JARID2: variants seen among roughly 807,000 people sequenced by gnomAD.
The protein encoded by JARID2 is jumonji and AT-rich interaction domain containing 2, also known as protein Jumonji.
In JARID2, 21 loss-of-function variants were observed where a neutral mutation model predicts 125.6. The observed-to-expected ratio is 0.17, with a 90% CI of 0.12 to 0.24. The LOEUF is 0.24. Ranked by LOEUF, JARID2 falls within the 10% of genes least tolerant of loss-of-function variation. The pLI is 1.00. For synonymous variants in JARID2, 736 were observed against 661.6 expected, an observed-to-expected ratio of 1.11 and a Z score of -1.73; for missense variants, 1,303 against 1,639.6, an observed-to-expected ratio of 0.79 and a Z score of 3.55.
At chr6:15,374,409 G>A (rs1402551776) in intron 2 of JARID2, among the ~76,000 whole-genome samples, 157 bp downstream of exon 2, 1 of 152,188 alleles carries the variant, frequency 6.6e-6, no homozygotes, top group East Asian at 1.9e-4. Flanking sequence ...ACATCCTGTT[G>A]GGTTTATAGG....
chr6:15,456,374 A>C lies in JARID2; in HGVS notation c.493+4199A>C, dbSNP rs1768177800. Among the ~76,000 whole-genome samples the C allele has an allele frequency of 2.0e-5, 3 of 152,244 alleles. No individual in the cohort carries two copies. In the South Asian group the frequency reaches 6.2e-4, roughly 31 times the overall value. ...TTCTTTTAGATGTCAAATACAAAAA[A>C]GGCTTAAATAATTAAAGCCTAGGAG... On this transcript the variant is annotated intron_variant, in intron 4 of 17. Coordinates refer to ENST00000341776, the MANE Select transcript of JARID2 (RefSeq NM_004973.4).
chr6:15,356,982 C>T (rs2127489794), intron 1 of JARID2, among the ~76,000 whole-genome samples: 1 of 152,122 alleles, frequency 6.6e-6, no homozygotes, highest in South Asian at 2.1e-4. Flanking sequence ...CCACTGCACT[C>T]CAGCCTGGAC....
intron 2 of JARID2, among the ~76,000 whole-genome samples, chr6:15,379,455 G>A (rs1161912440): frequency 2.6e-5 from 4 of 152,166 alleles, no homozygotes; most frequent in Non-Finnish European, 5.9e-5. Flanking sequence ...TAAAATTAGG[G>A]ACATTTAAAT....
intron 3 of JARID2, among the ~76,000 whole-genome samples, chr6:15,412,839 T>C (rs1221583618): frequency 6.6e-6 from 1 of 152,078 alleles, no homozygotes; most frequent in African/African-American, 2.4e-5. Context: ...CCTTTTCTAA[T>C]AGGGTAATGG....
intron 6 of JARID2, among the ~76,000 whole-genome samples, chr6:15,494,621 T>C (rs1293334186): frequency 6.6e-6 from 1 of 151,938 alleles, no homozygotes; most frequent in Non-Finnish European, 1.5e-5. Flanking sequence ...TGTTAGCCAG[T>C]ATGGTGTCAA....
chr6:15,496,296 C>G lies in JARID2; in HGVS notation c.1071C>G (p.Val357=). Residue 357 remains valine (V), a synonymous_variant, in exon 7 of 18, where the codon GTC becomes GTG. Transcript: ENST00000341776. The part of the protein sequence containing the change: ...VTYTKAKREL[V]KDTKPNHHKP... ...ACACCAAAGCCAAGAGAGAACTGGT[C>G]AAGGACACCAAACCCAATCACCACA... 4.3e-6 allele frequency: 7 copies of G among 1,614,160 alleles called. 1 individual carries two copies. Among genetic ancestry groups the G allele is most frequent in the South Asian group, 3.3e-5 (3 of 91,074 alleles).
At chr6:15,449,765 T>A (rs1767833308) in intron 3 of JARID2, among the ~76,000 whole-genome samples, 1 of 152,048 alleles carries the variant, frequency 6.6e-6, no homozygotes, top group African/African-American at 2.4e-5. Context: ...GTAGTTGGAG[T>A]CACACTTTGT....
intron 6 of JARID2, among the ~76,000 whole-genome samples, chr6:15,489,839 G>A (rs1295116019): frequency 6.6e-6 from 1 of 152,204 alleles, no homozygotes; most frequent in Non-Finnish European, 1.5e-5. Context: ...TGTTGACGGG[G>A]ATCCTCTCCT....
At chr6:15,501,775 G>C (rs960700740) in intron 8 of JARID2, among the ~76,000 whole-genome samples, 13 of 152,112 alleles carry the variant, frequency 8.5e-5, no homozygotes, top group African/African-American at 3.1e-4. Context: ...TAGGGCCTCG[G>C]GTTTCCTTTT....
chr6:15,479,891 C>G (rs1366150605), intron 5 of JARID2, among the ~76,000 whole-genome samples: 1 of 152,158 alleles, frequency 6.6e-6, no homozygotes, highest in Non-Finnish European at 1.5e-5. Context: ...CATTAAAATC[C>G]ATTTGAACTG....
intron 1 of JARID2, among the ~76,000 whole-genome samples, chr6:15,258,222 G>A (rs1759740277): frequency 6.6e-6 from 1 of 152,212 alleles, no homozygotes; most frequent in Non-Finnish European, 1.5e-5. Flanking sequence ...ACTGTGTTGG[G>A]AGTTTGAAAA....
chr6:15,253,546 TC>T (rs1759536454), intron 1 of JARID2, among the ~76,000 whole-genome samples: 1 of 152,144 alleles, frequency 6.6e-6, no homozygotes, highest in Admixed American at 6.5e-5. Flanking sequence ...CGCAGATTGT[TC>T]CAGAGGGCAA....
At chr6:15,423,946 C>T (rs983686026) in intron 3 of JARID2, among the ~76,000 whole-genome samples, 15 of 152,098 alleles carry the variant, frequency 9.9e-5, no homozygotes, top group African/African-American at 2.9e-4. Context: ...CCTCCTCTCC[C>T]GGAGGGTCTT....
intron 1 of JARID2, among the ~76,000 whole-genome samples, chr6:15,286,114 C>A (rs1474936365): frequency 6.6e-6 from 1 of 152,124 alleles, no homozygotes; most frequent in Non-Finnish European, 1.5e-5. Context: ...CATCTACAAG[C>A]CAATTGCTTG....
intron 5 of JARID2, among the ~76,000 whole-genome samples, chr6:15,471,131 G>A (rs1040012798): frequency 1.3e-5 from 2 of 152,196 alleles, no homozygotes; most frequent in African/African-American, 2.4e-5. Context: ...CTGCAGAGGC[G>A]GGGGTGAAGG....
At chr6:15,331,586 C>T (rs1762711925) in intron 1 of JARID2, among the ~76,000 whole-genome samples, 1 of 152,038 alleles carries the variant, frequency 6.6e-6, no homozygotes, top group African/African-American at 2.4e-5. Flanking sequence ...CGGTGGGGGG[C>T]CGGGTGCAGT....
chr6:15,275,245 G>A (rs893204614), intron 1 of JARID2, among the ~76,000 whole-genome samples: 2 of 152,172 alleles, frequency 1.3e-5, no homozygotes, highest in African/African-American at 4.8e-5. Flanking sequence ...AGACAGGAAT[G>A]AGCTGGAAAA....
rs569141326 is a variant in JARID2 at position 15,297,632 on chromosome 6, G to A, written c.45+51048G>A. Among the ~76,000 whole-genome samples, 8 of 152,140 alleles carry A rather than the reference G, an allele frequency of 5.3e-5. No individual in the cohort carries two copies. In the South Asian group the frequency reaches 1.5e-3, roughly 28 times the overall value. On this transcript the variant is annotated intron_variant, in intron 1 of 17. Coordinates refer to ENST00000341776, the MANE Select transcript of JARID2 (RefSeq NM_004973.4). ...CTGGGATTTACAGGCATGAGCCACC[G>A]TGCTTGGCCAGCAACTAGCTTGTTA...
chr6:15,349,026 TAGGA>T (rs1393203143), intron 1 of JARID2, among the ~76,000 whole-genome samples: 1 of 152,212 alleles, frequency 6.6e-6, no homozygotes, highest in East Asian at 1.9e-4. Context: ...GTGTGTGTAT[TAGGA>T]AGGGAAAAAT....
Sources: gnomAD v4.1 joint callset for allele counts (sites outside exome capture counted in the v4.1 genomes callset) on GRCh38, gnomAD v4.1.1 for gene constraint, MANE v1.5 for transcripts, NCBI Gene and HGNC (gene_info 2026-07-23, HGNC 2026-07-21) for gene names.